Variants in SLC25A21 observed in about 807,000 individuals in gnomAD.
SLC25A21 encodes mitochondrial 2-oxodicarboxylate carrier.
A neutral mutation model predicts 43.8 loss-of-function variants in SLC25A21; 47 were observed. The ratio of observed to expected loss-of-function variants is 1.07; its 90% CI spans 0.85 to 1.37. The LOEUF (loss-of-function observed/expected upper bound fraction) is 1.37. Ranked by LOEUF, SLC25A21 falls within the 40% of genes most tolerant of loss-of-function variation. SLC25A21 has a pLI of 0.00. For missense variants in SLC25A21, 352 were observed against 350.2 expected, an observed-to-expected ratio of 1.00 and a Z score of -0.04; for synonymous variants, 131 against 121.3, an observed-to-expected ratio of 1.08 and a Z score of -0.52.
At chr14:37,086,365 G>T (rs547693292) in intron 1 of SLC25A21, among the ~76,000 whole-genome samples, 3 of 152,218 alleles carry the variant, frequency 2.0e-5, no homozygotes, top group South Asian at 4.1e-4. Flanking sequence ...TTAGTCATGT[G>T]CTAGGATATG....
intron 3 of SLC25A21, among the ~76,000 whole-genome samples, chr14:36,756,666 A>G (rs1885942440): frequency 6.6e-6 from 1 of 152,338 alleles, no homozygotes; most frequent in Admixed American, 6.5e-5. Flanking sequence ...GAGCATGAGG[A>G]AGGCTCAAGA....
At chr14:36,736,623 AG>A (rs1594537678) in intron 3 of SLC25A21, among the ~76,000 whole-genome samples, 2 of 144,964 alleles carry the variant, frequency 1.4e-5, no homozygotes, top group Admixed American at 6.9e-5. Context: ...TGATTATTGT[AG>A]GAAAAAAAAA....
rs181921326 is a variant in SLC25A21, at chr14:36,796,262, G to A, written c.203+17656C>T. On this transcript the variant is annotated intron_variant, in intron 3 of 9. Coordinates refer to ENST00000331299, the MANE Select transcript of SLC25A21 (RefSeq NM_030631.4). ...AGGCAATCATCACCACCATGAACAT[G>A]ATGCAGAAAGGAATTAAGAATAAGT... Among the ~76,000 whole-genome samples, 72 of 152,186 alleles carry A rather than the reference G, an allele frequency of 4.7e-4. 1 individual carries two copies. Among genetic ancestry groups the A allele is most frequent in the Admixed American group, 4.7e-3 (72 of 15,286 alleles).
rs761839874 is a variant in SLC25A21 at position 36,814,006 on chromosome 14, A to G, written c.120-5T>C. The G allele has an allele frequency of 2.5e-6, 4 of 1,594,644 alleles. No individual in the cohort carries two copies. In the African/African-American group the frequency reaches 4.1e-5, roughly 16 times the overall value. On this transcript the variant is annotated splice_region_variant and splice_polypyrimidine_tract_variant and intron_variant, in intron 2 of 9. Coordinates refer to ENST00000331299, the MANE Select transcript of SLC25A21 (RefSeq NM_030631.4). Reference sequence around the variant, plus strand: ...GCACATCTCTGAATCTGAAACCTAGAAGCAAAATCAAACCAAAAATTCTAA... The same window carrying G: ...GCACATCTCTGAATCTGAAACCTAGGAGCAAAATCAAACCAAAAATTCTAA...
intron 1 of SLC25A21, among the ~76,000 whole-genome samples, chr14:36,908,794 T>C (rs1594685236): frequency 6.6e-6 from 1 of 152,180 alleles, no homozygotes; most frequent in African/African-American, 2.4e-5. Flanking sequence ...AGGTGGTAGC[T>C]AGATACTGGA....
At chr14:36,868,512 T>C (rs577018331) in intron 2 of SLC25A21, among the ~76,000 whole-genome samples, 3 of 152,306 alleles carry the variant, frequency 2.0e-5, no homozygotes, top group Admixed American at 6.5e-5. Context: ...TGGAGCAGAA[T>C]AAACTTTTTT....
chr14:36,812,156 G>C (rs1164381838), intron 3 of SLC25A21, among the ~76,000 whole-genome samples: 1 of 152,104 alleles, frequency 6.6e-6, no homozygotes, highest in Non-Finnish European at 1.5e-5. Flanking sequence ...TGATATGAAA[G>C]TATGCTCAAT....
chr14:37,104,342 G>A (rs571118071), intron 1 of SLC25A21, among the ~76,000 whole-genome samples: 95 of 152,184 alleles, frequency 6.2e-4, no homozygotes, highest in African/African-American at 2.0e-3. Context: ...CCTTGATCTC[G>A]GCCTTCTCAG....
chr14:36,805,280 A>C (rs530788009), intron 3 of SLC25A21, among the ~76,000 whole-genome samples: 23 of 152,310 alleles, frequency 1.5e-4, no homozygotes, highest in African/African-American at 5.3e-4. Flanking sequence ...TAAGTCGGAA[A>C]GTGTTGTGAG....
intron 1 of SLC25A21, among the ~76,000 whole-genome samples, chr14:37,137,567 G>A (rs1963503547): frequency 6.6e-6 from 1 of 152,108 alleles, no homozygotes; most frequent in Non-Finnish European, 1.5e-5. Flanking sequence ...AAGTAAATAA[G>A]AAAACCTCCG....
chr14:36,780,148 T>G (rs1397791973), intron 3 of SLC25A21, among the ~76,000 whole-genome samples: 1 of 151,944 alleles, frequency 6.6e-6, no homozygotes, highest in Non-Finnish European at 1.5e-5. Flanking sequence ...TTTATAGTAG[T>G]CTCTTATGAT....
intron 1 of SLC25A21, among the ~76,000 whole-genome samples, chr14:36,991,585 G>T (rs114992538): frequency 6.6e-6 from 1 of 152,284 alleles, no homozygotes; most frequent in Non-Finnish European, 1.5e-5. Context: ...CCTGAGAAGG[G>T]AGGTAATATT....
intron 1 of SLC25A21, among the ~76,000 whole-genome samples, chr14:36,898,524 G>A (rs1053792495): frequency 6.6e-6 from 1 of 152,156 alleles, no homozygotes; most frequent in African/African-American, 2.4e-5. Context: ...CACTCTCAGT[G>A]TGCTGCACCC....
At chr14:37,005,023 G>C (rs1960569168) in intron 1 of SLC25A21, among the ~76,000 whole-genome samples, 1 of 151,278 alleles carries the variant, frequency 6.6e-6, no homozygotes, top group Non-Finnish European at 1.5e-5. Flanking sequence ...CCCAGCTGTG[G>C]GTCTCAACCA....
chr14:36,826,420 G>A (rs1888835359), intron 2 of SLC25A21, among the ~76,000 whole-genome samples: 1 of 152,124 alleles, frequency 6.6e-6, no homozygotes, highest in South Asian at 2.1e-4. Flanking sequence ...TTCCTATGCA[G>A]TGAGGTCTCA....
chr14:36,681,491 T>A (rs1047057289), intron 9 of SLC25A21, among the ~76,000 whole-genome samples: 2 of 152,256 alleles, frequency 1.3e-5, no homozygotes, highest in Admixed American at 6.5e-5. Context: ...GAGAAGCATT[T>A]GTACATGGAT....
intron 3 of SLC25A21, among the ~76,000 whole-genome samples, chr14:36,764,388 C>T (rs1886320794): frequency 1.3e-5 from 2 of 151,676 alleles, no homozygotes; most frequent in South Asian, 4.2e-4. Flanking sequence ...GAATTACAAA[C>T]AGAAACCATG....
chr14:36,959,001 T>C (rs72667331), intron 1 of SLC25A21, among the ~76,000 whole-genome samples: 1,845 of 152,274 alleles, frequency 0.012, 19 homozygotes, highest in South Asian at 0.027. Flanking sequence ...AATAAATGGT[T>C]CCACCCTATT....
rs556324386 is a variant in SLC25A21 at position 36,731,750 on chromosome 14, G to C, written c.271-2184C>G. Among the ~76,000 whole-genome samples the C allele has an allele frequency of 6.6e-5, 10 of 152,264 alleles. No homozygotes were observed. In the East Asian group the frequency reaches 1.9e-3, roughly 29 times the overall value. ...GCAGGCGTGCACTGGTCAATACTCA[G>C]CTGAACACTTGAGGGGTCCCTCTAC... is the stretch of plus-strand genomic sequence containing the variant. On this transcript the variant is annotated intron_variant, in intron 4 of 9. Coordinates refer to ENST00000331299, the MANE Select transcript of SLC25A21 (RefSeq NM_030631.4).
Sources: gnomAD v4.1 joint callset for allele counts (sites outside exome capture counted in the v4.1 genomes callset) on GRCh38, gnomAD v4.1.1 for gene constraint, MANE v1.5 for transcripts, NCBI Gene and HGNC (gene_info 2026-07-23, HGNC 2026-07-21) for gene names.